CUL1: variants seen among roughly 807,000 people sequenced by gnomAD.
The protein encoded by CUL1 is cullin-1.
Under a neutral mutation model 118.0 loss-of-function variants are expected in CUL1, and 24 were observed. That is an observed-to-expected ratio of 0.20 (90% CI 0.15 to 0.29). The LOEUF (loss-of-function observed/expected upper bound fraction) is 0.29, where lower values mean the gene tolerates loss of function less well. CUL1 is among the 10% of genes least tolerant of loss of function. The pLI, the probability that CUL1 is intolerant of heterozygous loss-of-function variation, is 1.00. For missense variants in CUL1, 361 were observed against 933.8 expected (o/e 0.39, Z 7.99); for synonymous variants, 332 against 340.4 (o/e 0.98, Z 0.27).
At chr7:148,733,561 T>A (rs1471837889) in intron 2 of CUL1, among the ~76,000 whole-genome samples, 2 of 152,250 alleles carry the variant, frequency 1.3e-5, no homozygotes, top group Non-Finnish European at 2.9e-5. Flanking sequence ...TTGGTCATTT[T>A]AAAATAATCT....
chr7:148,771,269 T>TA (rs1331584857), intron 9 of CUL1, among the ~76,000 whole-genome samples: 1 of 152,246 alleles, frequency 6.6e-6, no homozygotes, highest in East Asian at 1.9e-4. Flanking sequence ...TTACTGCTAA[T>TA]ACCTGGCCTA....
intron 11 of CUL1, among the ~76,000 whole-genome samples, chr7:148,784,820 C>G (rs2129462673): frequency 6.6e-6 from 1 of 152,120 alleles, no homozygotes; most frequent in South Asian, 2.1e-4. Flanking sequence ...AACCCCGATA[C>G]AAAAAAGACC....
intron 4 of CUL1, among the ~76,000 whole-genome samples, chr7:148,759,088 TAAA>T (rs1410779826): frequency 6.6e-6 from 1 of 152,232 alleles, no homozygotes; most frequent in Non-Finnish European, 1.5e-5. Context: ...AAAATGTAAA[TAAA>T]GAAGTTGAGC....
chr7:148,757,981 A>G (rs1799712358), intron 4 of CUL1, among the ~76,000 whole-genome samples: 1 of 152,252 alleles, frequency 6.6e-6, no homozygotes, highest in Non-Finnish European at 1.5e-5. Flanking sequence ...GCTATAGTTC[A>G]AGATGAGATT....
chr7:148,798,751 G>A lies in CUL1; in HGVS notation c.2136+74G>A, dbSNP rs1801292097. The A allele has an allele frequency of 2.5e-6, 3 of 1,189,028 alleles. No individual in the cohort carries two copies. In the African/African-American group the frequency reaches 4.5e-5, roughly 18 times the overall value. The allele number at this position is 1,189,028 out of a possible 1,614,324, so 73.7% of individuals were successfully genotyped here. ...ATGGCTCGCAAGGACGGGCCGTGGGGGGTAGGCGGGGGTGACAAAGGAGTG... is the reference window on the plus strand; with the variant it reads ...ATGGCTCGCAAGGACGGGCCGTGGGAGGTAGGCGGGGGTGACAAAGGAGTG... On this transcript the variant is annotated intron_variant, in intron 20 of 21. Coordinates refer to ENST00000325222, the MANE Select transcript of CUL1 (RefSeq NM_003592.3).
chr7:148,737,582 ATTTATTTATT>A (rs1563154819), intron 2 of CUL1, among the ~76,000 whole-genome samples: 18 of 145,494 alleles, frequency 1.2e-4, no homozygotes, highest in East Asian at 1.2e-3. Flanking sequence ...TTTTATATTT[ATTTATTTATT>A]TATTTATTTA....
intron 1 of CUL1, among the ~76,000 whole-genome samples, chr7:148,705,887 T>C (rs1797864942): frequency 6.6e-6 from 1 of 152,234 alleles, no homozygotes. Context: ...GTAAAATCTT[T>C]AAAACGTTTG....
intron 1 of CUL1, among the ~76,000 whole-genome samples, chr7:148,723,739 T>G (rs1410961397): frequency 6.6e-6 from 1 of 151,330 alleles, no homozygotes; most frequent in Non-Finnish European, 1.5e-5. Context: ...GCCGAACCAG[T>G]GTGCGATTGA....
At chr7:148,719,465 G>C (rs955534180) in intron 1 of CUL1, among the ~76,000 whole-genome samples, 2 of 152,122 alleles carry the variant, frequency 1.3e-5, no homozygotes, top group South Asian at 2.1e-4. Flanking sequence ...TTATAAATAA[G>C]TGCAAATTTT....
At position 148,743,567 on chromosome 7, in the gene CUL1, G is replaced by T. The variant is rs542007568; in HGVS notation, c.141-10409G>T. The stretch of plus-strand genomic sequence containing the variant: ...AGAGGAATGTTGAATCTTATCCTAT[G>T]ATTGTGAAATTGTCTCCTTTACCCT... On this transcript the variant is annotated intron_variant, in intron 2 of 21. Transcript: ENST00000325222. 2.0e-5 allele frequency among the ~76,000 whole-genome samples: 3 copies of T among 152,314 alleles called. No homozygotes were observed. The South Asian group carries it at 6.2e-4, about 32-fold the overall frequency.
chr7:148,711,767 A>G (rs915025362), intron 1 of CUL1, among the ~76,000 whole-genome samples: 12 of 152,248 alleles, frequency 7.9e-5, no homozygotes, highest in African/African-American at 2.9e-4. Context: ...TATTGAGCAG[A>G]TACTTATTCA....
chr7:148,716,060 ATTG>A (rs1798204834), intron 1 of CUL1, among the ~76,000 whole-genome samples: 1 of 152,186 alleles, frequency 6.6e-6, no homozygotes, highest in African/African-American at 2.4e-5. Context: ...TTACAATTAT[ATTG>A]TTGCCGGGTA....
At position 148,726,388 on chromosome 7, in the gene CUL1, TA is replaced by T. The variant is rs750172244; in HGVS notation, c.-161-3562del. On this transcript the variant is annotated intron_variant, in intron 1 of 21. Transcript: ENST00000325222. ...TCTTGGTTTTTCAAAAGTCAAGCTT[TA>T]AAAAAAAAAAAGGGCTTTCTTAAAT... Among the ~76,000 whole-genome samples, 899 of 143,398 alleles carry T rather than the reference TA, an allele frequency of 6.3e-3. 5 individuals carry two copies. Among genetic ancestry groups the T allele is most frequent in the African/African-American group, 0.015 (609 of 39,404 alleles). 94.1% of individuals were successfully genotyped at this position (143,398 alleles called of 152,430 possible).
At chr7:148,797,032 C>T (rs955125251) in intron 17 of CUL1, among the ~76,000 whole-genome samples, 1 of 152,132 alleles carries the variant, frequency 6.6e-6, no homozygotes, top group African/African-American at 2.4e-5. Flanking sequence ...CCTTGGATTT[C>T]ATGGGATCAT....
chr7:148,795,462 T>C (rs1207056607), intron 17 of CUL1, among the ~76,000 whole-genome samples: 1 of 151,954 alleles, frequency 6.6e-6, no homozygotes, highest in African/African-American at 2.4e-5. Context: ...TCGTTGCTAA[T>C]GTATAGAAGT....
intron 1 of CUL1, among the ~76,000 whole-genome samples, chr7:148,702,190 A>G (rs1797740887): frequency 6.6e-6 from 1 of 151,676 alleles, no homozygotes; most frequent in African/African-American, 2.4e-5. Flanking sequence ...TTTAGTAAAC[A>G]CACTATAAAC....
At chr7:148,703,099 A>G (rs1328956039) in intron 1 of CUL1, among the ~76,000 whole-genome samples, 1 of 152,230 alleles carries the variant, frequency 6.6e-6, no homozygotes, top group Non-Finnish European at 1.5e-5. Context: ...GCTTTTAACC[A>G]GATGTTCCCT....
intron 15 of CUL1, 86 bp from the exon 16 acceptor site, chr7:148,790,224 G>T (rs1274219319): frequency 5.7e-6 from 8 of 1,406,626 alleles, no homozygotes; most frequent in Non-Finnish European, 7.0e-6. Flanking sequence ...TGTACTGTAA[G>T]CTTGGAACAG....
intron 9 of CUL1, among the ~76,000 whole-genome samples, chr7:148,770,791 A>G (rs1800184706): frequency 1.3e-5 from 2 of 152,252 alleles, no homozygotes; most frequent in South Asian, 4.1e-4. Flanking sequence ...ACAGCTGCTA[A>G]AAAACAAATA....
Sources: allele counts gnomAD v4.1 joint callset (sites outside exome capture counted in the v4.1 genomes callset), GRCh38; gene constraint gnomAD v4.1.1; transcripts MANE v1.5; gene names NCBI Gene and HGNC (gene_info 2026-07-23, HGNC 2026-07-21).